Variants in PIK3R5 observed in about 807,000 individuals in gnomAD.
PIK3R5 encodes the protein phosphoinositide-3-kinase regulatory subunit 5.
PIK3R5 carries 32 observed loss-of-function variants against 94.9 expected under a neutral mutation model. The ratio of observed to expected loss-of-function variants is 0.34; its 90% CI spans 0.25 to 0.45. PIK3R5 has a LOEUF of 0.45. Ranked by LOEUF, PIK3R5 falls within the 20% of genes least tolerant of loss-of-function variation. The probability of loss-of-function intolerance (pLI) is 1.00; values close to 1 mark genes in which losing one functional copy is unlikely to be tolerated. For synonymous variants in PIK3R5, 443 were observed against 479.4 expected (o/e 0.92, Z 0.99); for missense variants, 853 against 1,144.6 (o/e 0.75, Z 3.68).
At chr17:8,914,583 G>T (rs968154475) in intron 1 of PIK3R5, among the ~76,000 whole-genome samples, 1 of 152,190 alleles carries the variant, frequency 6.6e-6, no homozygotes, top group Non-Finnish European at 1.5e-5. Context: ...CCGCAAAGCT[G>T]AGGGCAGAGG....
chr17:8,919,298 T>A (rs1240626337), intron 1 of PIK3R5, among the ~76,000 whole-genome samples: 7 of 152,260 alleles, frequency 4.6e-5, no homozygotes. Flanking sequence ...ATGGTAGACA[T>A]GGCTCTAAGA....
At chr17:8,944,714 A>G (rs746444491) in intron 1 of PIK3R5, among the ~76,000 whole-genome samples, 6 of 152,210 alleles carry the variant, frequency 3.9e-5, no homozygotes, top group Admixed American at 1.3e-4. Context: ...CTAGGGCAGG[A>G]ACACGGGTGA....
At chr17:8,942,849 G>A (rs934349286) in intron 1 of PIK3R5, among the ~76,000 whole-genome samples, 6 of 151,662 alleles carry the variant, frequency 4.0e-5, no homozygotes, top group Non-Finnish European at 7.4e-5. Flanking sequence ...CTCATGATCC[G>A]CCCGCCTCGG....
At chr17:8,931,295 G>C (rs1233317111) in intron 1 of PIK3R5, among the ~76,000 whole-genome samples, 1 of 152,110 alleles carries the variant, frequency 6.6e-6, no homozygotes, top group Non-Finnish European at 1.5e-5. Flanking sequence ...TGATATTCGA[G>C]AGTCCACCCA....
rs1641556448 is a variant in PIK3R5 at position 8,959,323 on chromosome 17, T to C, written c.-14+6273A>G. Among the ~76,000 whole-genome samples, 4 of 152,238 alleles carry C rather than the reference T, an allele frequency of 2.6e-5. No individual in the cohort carries two copies. In the South Asian group the frequency reaches 8.3e-4, roughly 31 times the overall value. ...AGAAATCAGCACACAGAAAGTCATG[T>C]TTTCTAGAACAGGAGTTATTAACCT... On this transcript the variant is annotated intron_variant, in intron 1 of 18. Transcript: ENST00000447110.
chr17:8,911,320 G>A lies in PIK3R5; in HGVS notation c.103+72C>T. On this transcript the variant is annotated intron_variant, in intron 2 of 18. Transcript: ENST00000447110. The surrounding 1 kb of genome is among the most constrained non-coding windows in gnomAD (Gnocchi z 5.3). ...CTAGAATTTGCCAGTTTCCATGCCT[G>A]GTCCAGTGCCCACCGTGGCCCCTGA... 1 of 1,185,100 alleles carries A rather than the reference G, an allele frequency of 8.4e-7. No homozygotes were observed. Among genetic ancestry groups the A allele is most frequent in the Non-Finnish European group, 1.2e-6 (1 of 810,768 alleles). The allele number at this position is 1,185,100 out of a possible 1,614,324, so 73.4% of individuals were successfully genotyped here.
At chr17:8,915,531 C>A (rs1280679716) in intron 1 of PIK3R5, among the ~76,000 whole-genome samples, 1 of 152,174 alleles carries the variant, frequency 6.6e-6, no homozygotes, top group Non-Finnish European at 1.5e-5. Flanking sequence ...AAGGCCAAGG[C>A]TCACAGGAGT....
Position 8,890,388 on chromosome 17 carries a change from G to A in PIK3R5, c.658-262C>T, listed in dbSNP as rs543561853. Among the ~76,000 whole-genome samples the A allele has an allele frequency of 6.6e-6, 1 of 152,336 alleles. No homozygotes were observed. The highest frequency in any genetic ancestry group is 1.9e-4 in the East Asian group (1 of 5,190). On this transcript the variant is annotated intron_variant, in intron 7 of 18. Transcript: ENST00000447110. The surrounding 1 kb of genome is among the most constrained non-coding windows in gnomAD (Gnocchi z 6.1). ...GCTCCTCACTGTACCCCATAGAGGG[G>A]AAGGAGCTGTGTGGGGTGACACAGC... is the stretch of plus-strand genomic sequence containing the variant.
At chr17:8,894,879 G>A (rs1463404761) in intron 5 of PIK3R5, among the ~76,000 whole-genome samples, 1 of 149,100 alleles carries the variant, frequency 6.7e-6, no homozygotes. Context: ...CTCGGGGGCG[G>A]GGTAGGGCGG....
intron 18 of PIK3R5, 33 bp downstream of exon 18, chr17:8,880,872 A>G: frequency 6.2e-7 from 1 of 1,609,196 alleles, no homozygotes; most frequent in South Asian, 1.1e-5. Flanking sequence ...GGGAGCAGAA[A>G]CTGCTCCCCT....
At chr17:8,958,749 T>G (rs1245984957) in intron 1 of PIK3R5, among the ~76,000 whole-genome samples, 1 of 151,876 alleles carries the variant, frequency 6.6e-6, no homozygotes, top group Non-Finnish European at 1.5e-5. Flanking sequence ...CACCTTTTTT[T>G]TTCTCTCTCT....
chr17:8,896,521 A>T lies in PIK3R5; in HGVS notation c.413-2866T>A, dbSNP rs142640280. Among the ~76,000 whole-genome samples, 5 of 152,322 alleles carry T rather than the reference A, an allele frequency of 3.3e-5. No individual in the cohort carries two copies. In the East Asian group the frequency reaches 9.6e-4, roughly 29 times the overall value. Reference sequence around the variant, plus strand: ...GTAAGAAATTGAGAGAAGTCACCCCATACAGGCGAAGAACGGGGTGAGTGG... The same window carrying T: ...GTAAGAAATTGAGAGAAGTCACCCCTTACAGGCGAAGAACGGGGTGAGTGG... On this transcript the variant is annotated intron_variant, in intron 5 of 18. Coordinates refer to ENST00000447110, the MANE Select transcript of PIK3R5 (RefSeq NM_001142633.3). This position sits in a 1 kb window ranked among gnomAD's most constrained non-coding sequence, Gnocchi z 4.0.
chr17:8,908,574 A>G (rs1427830840), intron 3 of PIK3R5, among the ~76,000 whole-genome samples: 1 of 89,054 alleles, frequency 1.1e-5, no homozygotes, highest in Non-Finnish European at 2.4e-5. Context: ...CACACACACA[A>G]CCATAAAAGA....
At chr17:8,936,080 G>T (rs1764620478) in intron 1 of PIK3R5, among the ~76,000 whole-genome samples, 1 of 149,848 alleles carries the variant, frequency 6.7e-6, no homozygotes, top group African/African-American at 2.5e-5. Flanking sequence ...AGGAGACAAT[G>T]TTTATTTCTA....
At chr17:8,950,621 A>G (rs1287166948) in intron 1 of PIK3R5, among the ~76,000 whole-genome samples, 2 of 152,218 alleles carry the variant, frequency 1.3e-5, no homozygotes, top group Non-Finnish European at 2.9e-5. Flanking sequence ...TGCAAAGGAC[A>G]TGACTTCATT....
chr17:8,954,341 G>T (rs2091430798), intron 1 of PIK3R5, among the ~76,000 whole-genome samples: 1 of 152,158 alleles, frequency 6.6e-6, no homozygotes, highest in Admixed American at 6.5e-5. Flanking sequence ...GGTCAAGTAG[G>T]CCAGGCACCC....
chr17:8,935,393 T>G lies in PIK3R5; in HGVS notation c.-13-23886A>C, dbSNP rs2091054797. Among the ~76,000 whole-genome samples, 1 of 152,120 alleles carries G rather than the reference T, an allele frequency of 6.6e-6. No individual in the cohort carries two copies. The highest frequency in any genetic ancestry group is 2.4e-5 in the African/African-American group (1 of 41,410). On this transcript the variant is annotated intron_variant, in intron 1 of 18. Transcript: ENST00000447110. This position sits in a 1 kb window ranked among gnomAD's most constrained non-coding sequence, Gnocchi z 4.5. ...GGCTTCAAGGGGAAATCACGTCTAT[T>G]GCAACGTCCCAGTGAGTCAGTCTTC...
At position 8,919,955 on chromosome 17, in the gene PIK3R5, T is replaced by C. The variant is rs370191143; in HGVS notation, c.-13-8448A>G. Among the ~76,000 whole-genome samples, 201 of 148,244 alleles carry C rather than the reference T, an allele frequency of 1.4e-3. 1 individual carries two copies. Among genetic ancestry groups the C allele is most frequent in the African/African-American group, 4.5e-3 (179 of 40,170 alleles). ...CCCAGGCTGGAGTGCAGTGGCGTGA[T>C]CTCGGCTCACTGCAACCTCAGCCTC... On this transcript the variant is annotated intron_variant, in intron 1 of 18. Transcript: ENST00000447110.
intron 1 of PIK3R5, among the ~76,000 whole-genome samples, chr17:8,924,101 C>T (rs1486379677): frequency 7.9e-6 from 1 of 127,282 alleles, no homozygotes; most frequent in Admixed American, 8.9e-5. Context: ...CTTTTCAAGA[C>T]AGGGTCTTGC....
Sources: gnomAD v4.1 joint callset for allele counts (sites outside exome capture counted in the v4.1 genomes callset) on GRCh38, gnomAD v4.1.1 for gene constraint, Gnocchi (gnomAD v3.1) non-coding constraint, MANE v1.5 for transcripts, NCBI Gene and HGNC (gene_info 2026-07-23, HGNC 2026-07-21) for gene names.